CLPB: variants seen among roughly 807,000 people sequenced by gnomAD.
The protein encoded by CLPB is ClpB family mitochondrial disaggregase.
In CLPB, 40 loss-of-function variants were observed where a neutral mutation model predicts 78.4. The observed-to-expected ratio is 0.51, with a 90% CI of 0.40 to 0.66. CLPB has a LOEUF of 0.66. Among genes scored for constraint, CLPB ranks in the 30% least tolerant of loss-of-function variants. The pLI, the probability that CLPB is intolerant of heterozygous loss-of-function variation, is 0.00. For synonymous variants in CLPB, 333 were observed against 348.0 expected, an observed-to-expected ratio of 0.96 and a Z score of 0.48; for missense variants, 780 against 886.9, an observed-to-expected ratio of 0.88 and a Z score of 1.53.
chr11:72,383,326 C>T (rs987788294), intron 3 of CLPB, among the ~76,000 whole-genome samples: 10 of 151,898 alleles, frequency 6.6e-5, no homozygotes, highest in African/African-American at 2.4e-4. Context: ...AGATCGAGAC[C>T]ATCCTGGCTA....
chr11:72,400,427 C>G (rs1255562492), intron 3 of CLPB, among the ~76,000 whole-genome samples: 4 of 152,206 alleles, frequency 2.6e-5, no homozygotes, highest in African/African-American at 4.8e-5. Flanking sequence ...TGGATAAAGA[C>G]AGAGCAATCA....
At chr11:72,381,674 T>A (rs1247222174) in intron 3 of CLPB, among the ~76,000 whole-genome samples, 2 of 152,058 alleles carry the variant, frequency 1.3e-5, no homozygotes, top group Non-Finnish European at 2.9e-5. Flanking sequence ...GCCTTAGTTA[T>A]CAGGCCTACA....
chr11:72,306,646 T>C (rs1258787811), intron 9 of CLPB, among the ~76,000 whole-genome samples: 1 of 152,128 alleles, frequency 6.6e-6, no homozygotes, highest in Non-Finnish European at 1.5e-5. Flanking sequence ...ACTATAAGTA[T>C]CCCAGGCTCA....
intron 2 of CLPB, 152 bp downstream of exon 2, chr11:72,430,160 G>A (rs1856502859): frequency 1.4e-6 from 1 of 727,230 alleles, no homozygotes. Flanking sequence ...GGTAAAGGAA[G>A]CCCAGGTGAC....
chr11:72,319,830 C>T (rs1950013348), intron 6 of CLPB, among the ~76,000 whole-genome samples: 1 of 152,176 alleles, frequency 6.6e-6, no homozygotes, highest in Admixed American at 6.5e-5. Flanking sequence ...TGTGACTCCT[C>T]TTCTCCTTCA....
In CLPB at chr11:72,291,265, G is replaced by C. The variant is rs1196631043; in HGVS notation, c.*2102C>G. The C allele has an allele frequency of 6.6e-6, 1 of 152,190 alleles. No individual in the cohort carries two copies. The highest frequency in any genetic ancestry group is 1.5e-5 in the Non-Finnish European group (1 of 68,034). The allele number at this position is 152,190 out of a possible 1,614,324, so 9.4% of individuals were successfully genotyped here. The stretch of plus-strand genomic sequence containing the variant: ...ATCATCGGGAAAACTGGCAAAATTT[G>C]AATGTCCGTAGATTAGTTAGTAGTA... On this transcript the variant is annotated 3_prime_UTR_variant, in exon 16 of 16. Coordinates refer to ENST00000538039, the MANE Select transcript of CLPB (RefSeq NM_001258392.3).
chr11:72,308,424 A>G, intron 8 of CLPB, 103 bp downstream of exon 8: 6 of 942,168 alleles, frequency 6.4e-6, no homozygotes, highest in Non-Finnish European at 1.0e-5. Flanking sequence ...GTTGACCTAG[A>G]GCTGGACCTG....
intron 6 of CLPB, among the ~76,000 whole-genome samples, chr11:72,326,747 C>T (rs1048876854): frequency 1.3e-5 from 2 of 152,162 alleles, no homozygotes; most frequent in African/African-American, 4.8e-5. Flanking sequence ...TCAGAGGCAG[C>T]TGCTTCTTAC....
At position 72,307,303 on chromosome 11, in the gene CLPB, C is replaced by T. The variant is rs765122687; in HGVS notation, c.1067-49G>A. 1.8e-5 allele frequency: 27 copies of T among 1,486,004 alleles called. No individual in the cohort carries two copies. The African/African-American group carries it at 2.8e-4, about 15-fold the overall frequency. 92.1% of individuals were successfully genotyped at this position (1,486,004 alleles called of 1,614,324 possible). A position where few individuals can be genotyped will look rare whatever the true frequency, so the allele number is the denominator to read the frequency against. On this transcript the variant is annotated intron_variant, in intron 8 of 15. Transcript: ENST00000538039. ...GTTGGGTTAGAACCAGGTGACTAACCGCTGGAATGAAAGAATACTAGAAAT... is the reference window on the plus strand; with the variant it reads ...GTTGGGTTAGAACCAGGTGACTAACTGCTGGAATGAAAGAATACTAGAAAT...
intron 6 of CLPB, among the ~76,000 whole-genome samples, chr11:72,325,846 G>C (rs900390002): frequency 6.6e-6 from 1 of 152,114 alleles, no homozygotes. Flanking sequence ...ACTCTGGGTG[G>C]CTATATAAAA....
At chr11:72,414,876 T>A (rs1394892770) in intron 2 of CLPB, among the ~76,000 whole-genome samples, 1 of 152,272 alleles carries the variant, frequency 6.6e-6, no homozygotes, top group South Asian at 2.1e-4. Context: ...TCTCATTTGA[T>A]CCTCTGAAAG....
At chr11:72,430,271 C>T (rs1303257076) in intron 2 of CLPB, 41 bp downstream of exon 2, 1 of 1,589,624 alleles carries the variant, frequency 6.3e-7, no homozygotes, top group Non-Finnish European at 8.6e-7. Flanking sequence ...CCCTGCTCAG[C>T]CTCTCCTGTA....
At chr11:72,404,159 C>T (rs569480831) in intron 2 of CLPB, among the ~76,000 whole-genome samples, 4 of 152,312 alleles carry the variant, frequency 2.6e-5, no homozygotes, top group African/African-American at 7.2e-5. Flanking sequence ...GAAAGACAAA[C>T]ACTACACTGA....
rs916622744 is a variant in CLPB, at chr11:72,367,908, T to C, written c.647-8900A>G. On this transcript the variant is annotated intron_variant, in intron 4 of 15. Coordinates refer to ENST00000538039, the MANE Select transcript of CLPB (RefSeq NM_001258392.3). ...TCTTTCTTTTTTTATTGATATATAA[T>C]TCACACTCCATAAAAACAAATGGTG... Among the ~76,000 whole-genome samples the C allele has an allele frequency of 2.6e-5, 4 of 152,158 alleles. No individual in the cohort carries two copies. In the East Asian group the frequency reaches 7.7e-4, roughly 29 times the overall value.
intron 3 of CLPB, among the ~76,000 whole-genome samples, chr11:72,395,819 C>A (rs1373086248): frequency 1.3e-5 from 2 of 152,174 alleles, no homozygotes; most frequent in African/African-American, 4.8e-5. Flanking sequence ...TGGTACTCTA[C>A]CTGCTCCACG....
chr11:72,294,301 C>G, intron 14 of CLPB, 24 bp downstream of exon 14: 4 of 1,614,232 alleles, frequency 2.5e-6, no homozygotes, highest in Non-Finnish European at 2.5e-6. Flanking sequence ...ATCCCGCCCC[C>G]ACCCATGGGC....
At chr11:72,327,089 T>TGA in intron 6 of CLPB, among the ~76,000 whole-genome samples, 1 of 152,328 alleles carries the variant, frequency 6.6e-6, no homozygotes, top group East Asian at 1.9e-4. Flanking sequence ...ATCTTCCAGC[T>TGA]GAGAGCTAGG....
intron 4 of CLPB, chr11:72,363,550 C>T (rs1221089989): frequency 6.6e-6 from 1 of 152,202 alleles, no homozygotes; most frequent in Non-Finnish European, 1.5e-5. Flanking sequence ...AAAAGAATAA[C>T]CCCTTATGTT....
chr11:72,344,911 A>G (rs77749903), intron 5 of CLPB, among the ~76,000 whole-genome samples: 1 of 152,346 alleles, frequency 6.6e-6, no homozygotes, highest in African/African-American at 2.4e-5. Context: ...ATATAAAATG[A>G]CCGCCAAACA....
Sources: allele counts gnomAD v4.1 joint callset (sites outside exome capture counted in the v4.1 genomes callset), GRCh38; gene constraint gnomAD v4.1.1; transcripts MANE v1.5; gene names NCBI Gene and HGNC (gene_info 2026-07-23, HGNC 2026-07-21).